The following NEK1 variants were observed in gnomAD, a reference collection of about 807,000 sequenced individuals.
NEK1 encodes NIMA related kinase 1, also known as serine/threonine-protein kinase Nek1.
NEK1 carries 137 observed loss-of-function variants against 182.1 expected under a neutral mutation model. The ratio of observed to expected loss-of-function variants is 0.75; its 90% confidence interval spans 0.65 to 0.87. The LOEUF is 0.87. Ranked by LOEUF, NEK1 falls within the 40% of genes least tolerant of loss-of-function variation. The pLI is 0.00. For synonymous variants in NEK1, 513 were observed against 492.2 expected, an observed-to-expected ratio of 1.04 and a Z score of -0.56; for missense variants, 1,391 against 1,494.4, an observed-to-expected ratio of 0.93 and a Z score of 1.14.
chr4:169,585,105 C>T (rs1358294704), intron 10 of NEK1, among the ~76,000 whole-genome samples: 1 of 152,126 alleles, frequency 6.6e-6, no homozygotes, highest in Non-Finnish European at 1.5e-5. Context: ...AGAAGGACTG[C>T]TTGAGCCCAG....
intron 18 of NEK1, chr4:169,555,381 G>T (rs1220845951): frequency 3.6e-6 from 1 of 280,144 alleles, no homozygotes. Context: ...TCTGCATAAA[G>T]TGTGATTCAA....
At position 169,401,770 on chromosome 4, in the gene NEK1, T is replaced by C; in HGVS notation, c.3465A>G (p.Glu1155=). Residue 1155 remains glutamate (E), a synonymous_variant, in exon 33 of 36, where the codon GAA becomes GAG. Coordinates refer to ENST00000507142, the MANE Select transcript of NEK1 (RefSeq NM_001199397.3). Reference sequence around the variant, plus strand: ...TGTTCTTCAAGACTGACTCTTCTTCTTCACTGTATTCTTCACCAGGTTGTT... The same window carrying C: ...TGTTCTTCAAGACTGACTCTTCTTCCTCACTGTATTCTTCACCAGGTTGTT... ...LREQPGEEYS[E]EEESVLKNSD... is the part of the protein sequence containing the mutation. The C allele has an allele frequency of 6.2e-7, 1 of 1,613,916 alleles. No homozygotes were observed. Among genetic ancestry groups the C allele is most frequent in the Non-Finnish European group, 8.5e-7 (1 of 1,179,812 alleles).
intron 27 of NEK1, among the ~76,000 whole-genome samples, chr4:169,442,809 G>T (rs1306635495): frequency 1.3e-5 from 2 of 152,182 alleles, no homozygotes; most frequent in East Asian, 3.9e-4. Context: ...GAAGGCAGAA[G>T]GACCGCTTGC....
rs1163707867 is a variant in NEK1, at chr4:169,452,200, CAGGA to C, written c.2587+11039_2587+11042del. On this transcript the variant is annotated intron_variant, in intron 27 of 35. Transcript: ENST00000507142. ...AATAGCTTACCAACCAAAAGAAGTC[CAGGA>C]CCAGATGGATTCACAGCTGAATTCT... Among the ~76,000 whole-genome samples the C allele has an allele frequency of 2.0e-5, 3 of 152,150 alleles. No individual in the cohort carries two copies. The East Asian group carries it at 5.8e-4, about 29-fold the overall frequency.
chr4:169,452,384 C>T (rs1467060917), intron 27 of NEK1, among the ~76,000 whole-genome samples: 1 of 152,170 alleles, frequency 6.6e-6, no homozygotes, highest in African/African-American at 2.4e-5. Flanking sequence ...AGACCAATAT[C>T]CCTGATGAAC....
chr4:169,450,276 CT>C (rs754012241), intron 27 of NEK1, among the ~76,000 whole-genome samples: 1 of 152,130 alleles, frequency 6.6e-6, no homozygotes, highest in African/African-American at 2.4e-5. Flanking sequence ...TCCAGGAGAA[CT>C]TCCCCAACCT....
chr4:169,548,375 G>T (rs1760876196), intron 18 of NEK1, among the ~76,000 whole-genome samples: 1 of 152,190 alleles, frequency 6.6e-6, no homozygotes, highest in Non-Finnish European at 1.5e-5. Context: ...ATGCCAGCCA[G>T]ATCTCTCCTG....
At chr4:169,523,059 G>T (rs775150099) in intron 19 of NEK1, among the ~76,000 whole-genome samples, 14 of 152,090 alleles carry the variant, frequency 9.2e-5, no homozygotes, top group Non-Finnish European at 2.1e-4. Context: ...AATTTCCAGG[G>T]TATTTAGTTA....
chr4:169,511,648 TTATAGA>T (rs998566203), intron 19 of NEK1, among the ~76,000 whole-genome samples: 7 of 152,114 alleles, frequency 4.6e-5, no homozygotes, highest in African/African-American at 1.2e-4. Flanking sequence ...TTGATTCAAA[TTATAGA>T]TATAATCTTT....
At chr4:169,498,608 A>T (rs1248311444) in intron 23 of NEK1, among the ~76,000 whole-genome samples, 2 of 152,180 alleles carry the variant, frequency 1.3e-5, no homozygotes, top group Admixed American at 6.5e-5. Flanking sequence ...TGGTGGTGAC[A>T]AAATCTCTCA....
intron 31 of NEK1, among the ~76,000 whole-genome samples, chr4:169,423,259 C>T (rs1359678080): frequency 3.3e-5 from 5 of 152,116 alleles, no homozygotes; most frequent in African/African-American, 4.8e-5. Flanking sequence ...CACACGACCA[C>T]GCCCAGCTAA....
In NEK1 at chr4:169,411,057, C is replaced by T. The variant is rs546864120; in HGVS notation, c.3223-4310G>A. Among the ~76,000 whole-genome samples, 8 of 152,304 alleles carry T rather than the reference C, an allele frequency of 5.3e-5. No individual in the cohort carries two copies. The South Asian group carries it at 6.2e-4, about 12-fold the overall frequency. ...GGTGAGCACAAATAGCTCAGGCCTACGCCTGCTTTCTAGGGACAAGATAGG... is the reference window on the plus strand; with the variant it reads ...GGTGAGCACAAATAGCTCAGGCCTATGCCTGCTTTCTAGGGACAAGATAGG... On this transcript the variant is annotated intron_variant, in intron 31 of 35. Coordinates refer to ENST00000507142, the MANE Select transcript of NEK1 (RefSeq NM_001199397.3).
At chr4:169,450,972 C>CG (rs1356543830) in intron 27 of NEK1, among the ~76,000 whole-genome samples, 1 of 151,986 alleles carries the variant, frequency 6.6e-6, no homozygotes, top group East Asian at 1.9e-4. Flanking sequence ...CAAAAAAAAG[C>CG]GGGGGTTGCC....
At chr4:169,397,197 C>G (rs1249529909) in intron 35 of NEK1, among the ~76,000 whole-genome samples, 1 of 151,476 alleles carries the variant, frequency 6.6e-6, no homozygotes, top group Non-Finnish European at 1.5e-5. Context: ...GCACTCCAAC[C>G]TGGGTGACAG....
At chr4:169,560,303 A>G (rs1179727018) in intron 16 of NEK1, among the ~76,000 whole-genome samples, 1 of 152,162 alleles carries the variant, frequency 6.6e-6, no homozygotes, top group African/African-American at 2.4e-5. Context: ...TGGCTGTATG[A>G]CTAGGACCAC....
intron 2 of NEK1, among the ~76,000 whole-genome samples, chr4:169,605,745 G>GA (rs1450609661): frequency 6.6e-6 from 1 of 152,106 alleles, no homozygotes; most frequent in African/African-American, 2.4e-5. Context: ...AACATCAAAT[G>GA]AAAATCACAA....
rs774469024 is a variant in NEK1 at position 169,438,210 on chromosome 4, T to C, written c.2637A>G (p.Lys879=). ...TTTCATGTGAAATACATTGTACTTT[T>C]TTTTCTCCAGTAATTAAGGGTTTGT... ...EKYKPLITGE[K]KVQCISHEIN... Residue 879 remains lysine, a synonymous_variant, in exon 28 of 36, where the codon AAA becomes AAG. Coordinates refer to ENST00000507142, the MANE Select transcript of NEK1 (RefSeq NM_001199397.3). The C allele has an allele frequency of 2.5e-6, 4 of 1,576,848 alleles. No individual in the cohort carries two copies. Among genetic ancestry groups the C allele is most frequent in the Admixed American group, 3.7e-5 (2 of 54,020 alleles).
intron 32 of NEK1, among the ~76,000 whole-genome samples, chr4:169,405,785 T>A (rs1050704607): frequency 2.0e-5 from 3 of 151,646 alleles, no homozygotes; most frequent in Admixed American, 6.6e-5. Flanking sequence ...CTACAAGGCA[T>A]GTGGAAACAA....
intron 19 of NEK1, among the ~76,000 whole-genome samples, chr4:169,529,251 T>G (rs975715302): frequency 3.3e-5 from 5 of 152,072 alleles, no homozygotes; most frequent in African/African-American, 1.2e-4. Context: ...AAATATCACA[T>G]GTACCCCATA....
Sources: gnomAD v4.1 joint callset for allele counts (sites outside exome capture counted in the v4.1 genomes callset) on GRCh38, gnomAD v4.1.1 for gene constraint, MANE v1.5 for transcripts, NCBI Gene and HGNC (gene_info 2026-07-23, HGNC 2026-07-21) for gene names.